The following USP13 variants were observed in gnomAD, a reference collection of about 807,000 sequenced individuals.
The protein encoded by USP13 is ubiquitin specific peptidase 13.
Under a neutral mutation model 107.8 loss-of-function variants are expected in USP13, and 68 were observed. The observed-to-expected ratio is 0.63, with a 90% CI of 0.52 to 0.77. USP13 has a LOEUF of 0.77. Among genes scored for constraint, USP13 ranks in the 30% least tolerant of loss-of-function variants. USP13 has a pLI of 0.00. For missense variants in USP13, 945 were observed against 1,093.3 expected (o/e 0.86, Z 1.91); for synonymous variants, 377 against 389.5 (o/e 0.97, Z 0.38).
chr3:179,782,085 A>C (rs1394483702), intron 20 of USP13, among the ~76,000 whole-genome samples: 3 of 152,086 alleles, frequency 2.0e-5, no homozygotes, highest in Non-Finnish European at 4.4e-5. Context: ...ACCTCCCAAA[A>C]TAAAGATGCA....
At position 179,757,069 on chromosome 3, in the gene USP13, T is replaced by C. The variant is rs1484238011; in HGVS notation, c.1939T>C (p.Leu647=). 6 of 1,614,038 alleles carry C rather than the reference T, an allele frequency of 3.7e-6. No homozygotes were observed. Among genetic ancestry groups the C allele is most frequent in the East Asian group, 2.2e-5 (1 of 44,882 alleles). ...DDSKDRLMNQ[L]IDPSDIDESS... ...ATTTCCAGATCGCCTGATGAACCAATTGATAGACCGTATGTATCTTTAAAA... is the reference window on the plus strand; with the variant it reads ...ATTTCCAGATCGCCTGATGAACCAACTGATAGACCGTATGTATCTTTAAAA... The change falls in exon 16 of 21, where the codon TTG becomes CTG. Residue 647 remains leucine (L), a synonymous_variant. Transcript: ENST00000263966.
At chr3:179,770,300 T>C (rs1405556961) in intron 19 of USP13, among the ~76,000 whole-genome samples, 1 of 152,220 alleles carries the variant, frequency 6.6e-6, no homozygotes, top group African/African-American at 2.4e-5. Context: ...TTTCTAACTC[T>C]TGCAAAGCTG....
chr3:179,760,618 A>G (rs1053535978), intron 16 of USP13, among the ~76,000 whole-genome samples: 4 of 149,436 alleles, frequency 2.7e-5, no homozygotes, highest in African/African-American at 9.8e-5. Context: ...TAAAAAACGA[A>G]CTTTTTCCTT....
chr3:179,787,884 G>A lies in USP13; in HGVS notation c.*3743G>A, dbSNP rs959309847. ...GCTGGGATTACACGCATGAGCTACC[G>A]CGTCCAGCCCCACTTTTTTTCTACT... On this transcript the variant is annotated 3_prime_UTR_variant, in exon 21 of 21. Coordinates refer to ENST00000263966, the MANE Select transcript of USP13 (RefSeq NM_003940.3). 1.3e-5 allele frequency: 2 copies of A among 152,020 alleles called. No homozygotes were observed. Among genetic ancestry groups the A allele is most frequent in the Admixed American group, 6.6e-5 (1 of 15,258 alleles). The allele number at this position is 152,020 out of a possible 1,614,324, so 9.4% of individuals were successfully genotyped here.
chr3:179,713,861 C>T (rs186094939), intron 6 of USP13, among the ~76,000 whole-genome samples: 12 of 152,268 alleles, frequency 7.9e-5, no homozygotes, highest in Admixed American at 3.9e-4. Flanking sequence ...TCTAATGAGA[C>T]ACTGCTACTC....
chr3:179,676,276 G>T (rs1393958537), intron 1 of USP13, among the ~76,000 whole-genome samples: 1 of 152,138 alleles, frequency 6.6e-6, no homozygotes, highest in Non-Finnish European at 1.5e-5. Flanking sequence ...CATTATAGTA[G>T]TGTGAGAATG....
At chr3:179,656,381 A>G (rs978227484) in intron 1 of USP13, among the ~76,000 whole-genome samples, 1 of 152,232 alleles carries the variant, frequency 6.6e-6, no homozygotes, top group Non-Finnish European at 1.5e-5. Flanking sequence ...TTGTGAATCA[A>G]CAAATTCACA....
intron 8 of USP13, among the ~76,000 whole-genome samples, chr3:179,728,853 G>A (rs1179303668): frequency 1.3e-5 from 2 of 152,008 alleles, no homozygotes; most frequent in African/African-American, 2.4e-5. Context: ...GTGGCGGCGC[G>A]CGCCTACAAT....
intron 8 of USP13, 84 bp from the exon 9 acceptor site, chr3:179,730,105 G>C (rs536891159): frequency 3.9e-6 from 5 of 1,288,858 alleles, no homozygotes; most frequent in South Asian, 3.8e-5. Context: ...GGGCAAGAAG[G>C]TCTTAGCAAG....
At chr3:179,711,211 CT>C (rs1329606700) in intron 6 of USP13, among the ~76,000 whole-genome samples, 3 of 151,884 alleles carry the variant, frequency 2.0e-5, no homozygotes, top group Non-Finnish European at 4.4e-5. Flanking sequence ...CAGCTGTACA[CT>C]TTTTTTTGTT....
At chr3:179,749,911 T>G (rs1317400430) in intron 13 of USP13, among the ~76,000 whole-genome samples, 1 of 152,172 alleles carries the variant, frequency 6.6e-6, no homozygotes, top group African/African-American at 2.4e-5. Flanking sequence ...CTGTTATGTA[T>G]TTTCCAGATT....
chr3:179,763,091 G>A (rs181888010), intron 17 of USP13, among the ~76,000 whole-genome samples: 1 of 152,064 alleles, frequency 6.6e-6, no homozygotes, highest in Non-Finnish European at 1.5e-5. Flanking sequence ...TTATTATTGA[G>A]TTCTAAGAGT....
chr3:179,684,921 G>A lies in USP13; in HGVS notation c.294+2918G>A, dbSNP rs538528727. Among the ~76,000 whole-genome samples, 9 of 152,008 alleles carry A rather than the reference G, an allele frequency of 5.9e-5. No individual in the cohort carries two copies. The South Asian group carries it at 1.2e-3, about 21-fold the overall frequency. On this transcript the variant is annotated intron_variant, in intron 2 of 20. Coordinates refer to ENST00000263966, the MANE Select transcript of USP13 (RefSeq NM_003940.3). Reference sequence around the variant, plus strand: ...TAAAAAATCCTATTGGGATTTTGATGACAATCACATTGAATTTATAGATTA... The same window carrying A: ...TAAAAAATCCTATTGGGATTTTGATAACAATCACATTGAATTTATAGATTA...
At chr3:179,745,340 G>A in intron 13 of USP13, 123 bp downstream of exon 13, 1 of 1,230,618 alleles carries the variant, frequency 8.1e-7, no homozygotes, top group Non-Finnish European at 1.1e-6. Context: ...TGTGATGGAT[G>A]GGATTATGGT....
intron 10 of USP13, among the ~76,000 whole-genome samples, chr3:179,738,509 C>T (rs995365759): frequency 1.3e-5 from 2 of 152,112 alleles, no homozygotes; most frequent in Admixed American, 6.5e-5. Context: ...CTCAGCTTCC[C>T]GAGTGAAGAT....
chr3:179,656,616 C>T (rs947244632), intron 1 of USP13, among the ~76,000 whole-genome samples: 2 of 152,202 alleles, frequency 1.3e-5, no homozygotes, highest in African/African-American at 4.8e-5. Context: ...CGTGTAGGTT[C>T]ACCTCTCCAT....
In USP13 at chr3:179,787,511, T is replaced by C. The variant is rs1246836627; in HGVS notation, c.*3370T>C. ...ATTTTTGCATTGTTACAGCTTATAC[T>C]CCCCAGTTGAGGACCTGTGTCATTC... is the stretch of plus-strand genomic sequence containing the variant. On this transcript the variant is annotated 3_prime_UTR_variant, in exon 21 of 21. Coordinates refer to ENST00000263966, the MANE Select transcript of USP13 (RefSeq NM_003940.3). 1 of 152,240 alleles carries C rather than the reference T, an allele frequency of 6.6e-6. No individual in the cohort carries two copies. Among genetic ancestry groups the C allele is most frequent in the Non-Finnish European group, 1.5e-5 (1 of 68,058 alleles). 9.4% of individuals were successfully genotyped at this position (152,240 alleles called of 1,614,324 possible).
intron 17 of USP13, among the ~76,000 whole-genome samples, chr3:179,762,880 T>C (rs1021578944): frequency 6.6e-6 from 1 of 152,178 alleles, no homozygotes; most frequent in Non-Finnish European, 1.5e-5. Context: ...TTCCAATTTC[T>C]CCATATCATC....
intron 13 of USP13, among the ~76,000 whole-genome samples, chr3:179,746,131 C>T (rs374515855): frequency 5.3e-5 from 8 of 150,038 alleles, no homozygotes; most frequent in South Asian, 2.1e-4. Flanking sequence ...AAGGATGGAA[C>T]GGCTGGTGTG....
Sources: allele counts gnomAD v4.1 joint callset (sites outside exome capture counted in the v4.1 genomes callset), GRCh38; gene constraint gnomAD v4.1.1; transcripts MANE v1.5; gene names NCBI Gene and HGNC (gene_info 2026-07-23, HGNC 2026-07-21).